CDH7: variants seen among roughly 807,000 people sequenced by gnomAD.
The protein encoded by CDH7 is cadherin 7.
CDH7 carries 25 observed loss-of-function variants against 71.8 expected under a neutral mutation model. The ratio of observed to expected loss-of-function variants is 0.35; its 90% CI spans 0.25 to 0.49. CDH7 has a LOEUF of 0.49. Among genes scored for constraint, CDH7 ranks in the 20% least tolerant of loss-of-function variants. The pLI is 0.99. For missense variants in CDH7, 862 were observed against 974.6 expected, an observed-to-expected ratio of 0.88 and a Z score of 1.54; for synonymous variants, 381 against 363.8, an observed-to-expected ratio of 1.05 and a Z score of -0.54.
intron 2 of CDH7, among the ~76,000 whole-genome samples, chr18:65,776,569 C>A (rs988485828): frequency 6.6e-6 from 1 of 152,130 alleles, no homozygotes; most frequent in Admixed American, 6.6e-5. Context: ...CTTAATGGAA[C>A]TAGATAAATG....
intron 2 of CDH7, among the ~76,000 whole-genome samples, chr18:65,799,003 C>G (rs1911017284): frequency 6.6e-6 from 1 of 152,010 alleles, no homozygotes; most frequent in Admixed American, 6.6e-5. Flanking sequence ...GCCCTCTTTC[C>G]TGCTGGAATT....
intron 2 of CDH7, among the ~76,000 whole-genome samples, chr18:65,800,418 A>G (rs1413503265): frequency 2.0e-5 from 3 of 152,106 alleles, no homozygotes; most frequent in Non-Finnish European, 4.4e-5. Context: ...ACTTAAAAGT[A>G]ATTAACTATT....
At chr18:65,815,048 C>T (rs545213635) in intron 4 of CDH7, among the ~76,000 whole-genome samples, 3 of 152,060 alleles carry the variant, frequency 2.0e-5, no homozygotes, top group Non-Finnish European at 4.4e-5. Flanking sequence ...TTAGTTGAAA[C>T]ATAACAATTA....
Position 65,762,988 on chromosome 18 carries a change from G to A in CDH7, c.146G>A (p.Trp49Ter). Residue 49 changes from tryptophan to a stop codon, truncating the protein, a stop_gained, in exon 2 of 12, where the codon TGG becomes TAG. Coordinates refer to ENST00000397968, the MANE Select transcript of CDH7 (RefSeq NM_004361.5). LOFTEE classifies it high-confidence loss of function. ...QSGRSRTKRS[W>*]VWNQFFVLEE... ...GGGAGGTCCCGGACCAAGCGCAGCT[G>A]GGTGTGGAATCAGTTCTTTGTGCTG... 6.2e-7 allele frequency: 1 copy of A among 1,613,618 alleles called. No homozygotes were observed. The highest frequency in any genetic ancestry group is 1.1e-5 in the South Asian group (1 of 91,068).
intron 2 of CDH7, among the ~76,000 whole-genome samples, chr18:65,789,767 G>A (rs1232175444): frequency 6.6e-6 from 1 of 152,100 alleles, no homozygotes. Context: ...AGGCATCTAG[G>A]CAGAGGGAAA....
chr18:65,761,749 A>G (rs1916198840), intron 1 of CDH7, among the ~76,000 whole-genome samples: 1 of 152,202 alleles, frequency 6.6e-6, no homozygotes, highest in Non-Finnish European at 1.5e-5. Flanking sequence ...TTGCATAATC[A>G]GAATTCTGTA....
intron 2 of CDH7, among the ~76,000 whole-genome samples, chr18:65,771,069 T>A (rs1054264268): frequency 6.6e-6 from 1 of 152,124 alleles, no homozygotes; most frequent in Non-Finnish European, 1.5e-5. Context: ...TCTTACTCTT[T>A]TAATGAGGCT....
rs1914401343 is a variant in CDH7, at chr18:65,887,462, T to C, written c.*6568T>C. The C allele has an allele frequency of 7.2e-6, 1 of 139,224 alleles. No homozygotes were observed. The highest frequency in any genetic ancestry group is 7.9e-5 in the Admixed American group (1 of 12,652). 8.6% of individuals were successfully genotyped at this position (139,224 alleles called of 1,614,324 possible). A position where few individuals can be genotyped will look rare whatever the true frequency, so the allele number is the denominator to read the frequency against. ...CCCTAGAGTGTGGTGTTCCCCTTCC[T>C]GTGTAACTATATAGCAATTTCATTT... On this transcript the variant is annotated 3_prime_UTR_variant, in exon 12 of 12. Coordinates refer to ENST00000397968, the MANE Select transcript of CDH7 (RefSeq NM_004361.5).
At chr18:65,788,344 T>A (rs1032337102) in intron 2 of CDH7, among the ~76,000 whole-genome samples, 1 of 152,176 alleles carries the variant, frequency 6.6e-6, no homozygotes, top group Non-Finnish European at 1.5e-5. Context: ...GTGGTCATCA[T>A]CACTGAAATA....
At chr18:65,863,224 G>C in intron 11 of CDH7, 2 of 348,256 alleles carry the variant, frequency 5.7e-6, no homozygotes, top group Non-Finnish European at 1.1e-5. Context: ...CTTTAGTAGA[G>C]ACTGAGTTTC....
chr18:65,858,386 G>A (rs796436889), intron 8 of CDH7, among the ~76,000 whole-genome samples: 1 of 151,970 alleles, frequency 6.6e-6, no homozygotes, highest in South Asian at 2.1e-4. Flanking sequence ...ATTGAAAAAT[G>A]AATGCATATT....
At chr18:65,753,373 G>T (rs1040868766) in intron 1 of CDH7, among the ~76,000 whole-genome samples, 1 of 152,256 alleles carries the variant, frequency 6.6e-6, no homozygotes, top group Non-Finnish European at 1.5e-5. Flanking sequence ...ATTTATTGCT[G>T]AATGGTTACA....
intron 2 of CDH7, among the ~76,000 whole-genome samples, chr18:65,782,066 CTTTCTTTCTTTCTTT>C (rs1910296108): frequency 1.9e-5 from 1 of 51,640 alleles, no homozygotes; most frequent in African/African-American, 1.8e-4. Context: ...TCCTTCCTTT[CTTTCTTTCTTTCTTT>C]CCTTCCTTCC....
At chr18:65,861,853 C>T (rs950230972) in intron 10 of CDH7, among the ~76,000 whole-genome samples, 1 of 145,744 alleles carries the variant, frequency 6.9e-6, no homozygotes, top group African/African-American at 2.5e-5. Context: ...TCTTCTTTTC[C>T]TTTATATTTT....
At position 65,808,566 on chromosome 18, in the gene CDH7, G is replaced by T. The variant is rs7244664; in HGVS notation, c.211-1138G>T. 7.1e-3 allele frequency among the ~76,000 whole-genome samples: 1,085 copies of T among 152,224 alleles called. 12 individuals carry two copies. The highest frequency in any genetic ancestry group is 0.025 in the African/African-American group (1,041 of 41,496). ...GTACTTGGAAGCAGAGGATAAACATGGCCGTTACAGTGCAGGGAAAGAATC... is the reference window on the plus strand; with the variant it reads ...GTACTTGGAAGCAGAGGATAAACATTGCCGTTACAGTGCAGGGAAAGAATC... On this transcript the variant is annotated intron_variant, in intron 2 of 11. Coordinates refer to ENST00000397968, the MANE Select transcript of CDH7 (RefSeq NM_004361.5).
intron 2 of CDH7, among the ~76,000 whole-genome samples, chr18:65,772,142 A>G (rs967480477): frequency 1.3e-5 from 2 of 152,174 alleles, no homozygotes; most frequent in South Asian, 2.1e-4. Context: ...CAACACATAC[A>G]TAATGTTCAA....
intron 6 of CDH7, among the ~76,000 whole-genome samples, chr18:65,828,614 G>A (rs562542139): frequency 1.1e-4 from 16 of 152,152 alleles, no homozygotes; most frequent in African/African-American, 3.9e-4. Context: ...TAGGATATTA[G>A]TAGTTAAGTT....
chr18:65,786,627 C>T (rs1910522454), intron 2 of CDH7, among the ~76,000 whole-genome samples: 1 of 152,130 alleles, frequency 6.6e-6, no homozygotes, highest in Admixed American at 6.6e-5. Flanking sequence ...TATGATAACG[C>T]TGATAACTCT....
At chr18:65,761,169 C>T (rs1386638027) in intron 1 of CDH7, among the ~76,000 whole-genome samples, 2 of 152,130 alleles carry the variant, frequency 1.3e-5, no homozygotes, top group African/African-American at 4.8e-5. Context: ...TGAACATTGG[C>T]TTTTCCTTAA....
Sources: allele counts gnomAD v4.1 joint callset (sites outside exome capture counted in the v4.1 genomes callset), GRCh38; gene constraint gnomAD v4.1.1; transcripts MANE v1.5; gene names NCBI Gene and HGNC (gene_info 2026-07-23, HGNC 2026-07-21).